The following JARID2 variants were observed in gnomAD, a reference collection of about 807,000 sequenced individuals.
The protein encoded by JARID2 is protein Jumonji.
In JARID2, 21 loss-of-function variants were observed where a neutral mutation model predicts 125.6. The observed-to-expected ratio is 0.17, with a 90% confidence interval of 0.12 to 0.24. The LOEUF (loss-of-function observed/expected upper bound fraction) is 0.24, where lower values mean the gene tolerates loss of function less well. JARID2 is among the 10% of genes least tolerant of loss of function. The probability of loss-of-function intolerance (pLI) is 1.00; values close to 1 mark genes in which losing one functional copy is unlikely to be tolerated. For missense variants in JARID2, 1,303 were observed against 1,639.6 expected (o/e 0.79, Z 3.55); for synonymous variants, 736 against 661.6 (o/e 1.11, Z -1.73).
intron 2 of JARID2, among the ~76,000 whole-genome samples, chr6:15,399,519 G>A (rs1765344512): frequency 6.6e-6 from 1 of 151,938 alleles, no homozygotes; most frequent in African/African-American, 2.4e-5. Context: ...TTATGTACAT[G>A]TATATATATA....
chr6:15,327,579 G>T (rs1441886236), intron 1 of JARID2, among the ~76,000 whole-genome samples: 1 of 152,016 alleles, frequency 6.6e-6, no homozygotes, highest in Non-Finnish European at 1.5e-5. Flanking sequence ...GCATGTGCGT[G>T]CATCCCCGCA....
chr6:15,359,551 C>T (rs1201870148), intron 1 of JARID2, among the ~76,000 whole-genome samples: 2 of 152,064 alleles, frequency 1.3e-5, no homozygotes, highest in Non-Finnish European at 2.9e-5. Context: ...TTCACTCACT[C>T]GGCCCCTCAT....
At chr6:15,430,232 A>G (rs1393354684) in intron 3 of JARID2, among the ~76,000 whole-genome samples, 3 of 152,190 alleles carry the variant, frequency 2.0e-5, no homozygotes, top group Admixed American at 6.5e-5. Context: ...TACAAGATGT[A>G]CTTTTGCTTC....
intron 1 of JARID2, among the ~76,000 whole-genome samples, chr6:15,307,894 C>T (rs144805584): frequency 6.6e-6 from 1 of 152,324 alleles, no homozygotes; most frequent in Non-Finnish European, 1.5e-5. Flanking sequence ...AATACAGACT[C>T]CCAGCCAGCG....
Position 15,507,108 on chromosome 6 carries a change from C to T in JARID2, c.2542-28C>T, listed in dbSNP as rs781205903. ...CTGTGGCTGCAGCACCTTAGGGGTG[C>T]TGACCAGCCCTTTCCTGTTCCCTGC... On this transcript the variant is annotated intron_variant, in intron 9 of 17. Coordinates refer to ENST00000341776, the MANE Select transcript of JARID2 (RefSeq NM_004973.4). 51 of 1,457,142 alleles carry T rather than the reference C, an allele frequency of 3.5e-5. No individual in the cohort carries two copies. The East Asian group carries it at 4.3e-4, about 12-fold the overall frequency. The allele number at this position is 1,457,142 out of a possible 1,614,324, so 90.3% of individuals were successfully genotyped here.
rs1474513395 is a variant in JARID2 at position 15,496,259 on chromosome 6, G to C, written c.1034G>C (p.Gly345Ala). 1.2e-6 allele frequency: 2 copies of C among 1,614,156 alleles called. No homozygotes were observed. The highest frequency in any genetic ancestry group is 1.7e-6 in the Non-Finnish European group (2 of 1,180,048). The part of the protein sequence containing the change: ...TVKYTATVTK[G>A]AVTYTKAKRE... ...AAGTACACTGCCACGGTGACGAAGG[G>C]GGCTGTCACATACACCAAAGCCAAG... The change falls in exon 7 of 18, where the codon GGG becomes GCG. Residue 345 changes from glycine to alanine, a missense_variant. Gly to Ala is a moderately conservative substitution (Grantham distance 60). This residue lies in a region of JARID2 where 651 missense variants were observed against 581.6 expected (regional missense o/e 1.12). Coordinates refer to ENST00000341776, the MANE Select transcript of JARID2 (RefSeq NM_004973.4).
chr6:15,500,305 G>A (rs1386340971), intron 7 of JARID2, among the ~76,000 whole-genome samples: 2 of 152,208 alleles, frequency 1.3e-5, no homozygotes, highest in Non-Finnish European at 2.9e-5. Flanking sequence ...TCCTCACGCA[G>A]GTGTTGCTCT....
intron 1 of JARID2, among the ~76,000 whole-genome samples, chr6:15,278,514 A>T (rs1201054195): frequency 6.6e-6 from 1 of 152,040 alleles, no homozygotes; most frequent in Non-Finnish European, 1.5e-5. Context: ...TGAACCCGGG[A>T]GGCGGAGCTT....
chr6:15,430,551 C>T (rs1474112016), intron 3 of JARID2, among the ~76,000 whole-genome samples: 2 of 152,204 alleles, frequency 1.3e-5, no homozygotes, highest in East Asian at 3.9e-4. Flanking sequence ...TATAATAGGC[C>T]AGGTGCTTTA....
intron 1 of JARID2, among the ~76,000 whole-genome samples, chr6:15,300,682 GTT>G (rs1491560109): frequency 9.1e-6 from 1 of 110,226 alleles, no homozygotes; most frequent in Non-Finnish European, 2.0e-5. Flanking sequence ...GTGTCCTCAT[GTT>G]GTGTGTGTGT....
intron 1 of JARID2, among the ~76,000 whole-genome samples, chr6:15,358,535 G>C (rs1763683844): frequency 6.6e-6 from 1 of 152,182 alleles, no homozygotes; most frequent in South Asian, 2.1e-4. Context: ...AGCTTTGAAT[G>C]GATGATAGCA....
At chr6:15,483,085 T>C (rs1016386568) in intron 5 of JARID2, among the ~76,000 whole-genome samples, 3 of 152,228 alleles carry the variant, frequency 2.0e-5, no homozygotes, top group Admixed American at 1.3e-4. Context: ...GCTTGCTTTG[T>C]TCATTTTTGA....
At chr6:15,508,997 G>T in intron 12 of JARID2, 4 of 1,289,298 alleles carry the variant, frequency 3.1e-6, no homozygotes, top group Non-Finnish European at 4.0e-6. Context: ...CTCATCTATC[G>T]GTGGCTGTGG....
intron 2 of JARID2, among the ~76,000 whole-genome samples, chr6:15,388,088 A>AGGCT (rs1764856742): frequency 2.6e-5 from 4 of 152,288 alleles, no homozygotes; most frequent in African/African-American, 9.6e-5. Flanking sequence ...TGCTAGAGAA[A>AGGCT]GGCTTCATGT....
chr6:15,444,978 C>T (rs1455570309), intron 3 of JARID2, among the ~76,000 whole-genome samples: 7 of 152,038 alleles, frequency 4.6e-5, no homozygotes, highest in Non-Finnish European at 1.0e-4. Context: ...ATTTGTGTGT[C>T]ACGCCATGCC....
chr6:15,392,334 A>G (rs1233023215), intron 2 of JARID2, among the ~76,000 whole-genome samples: 1 of 151,938 alleles, frequency 6.6e-6, no homozygotes, highest in Non-Finnish European at 1.5e-5. Context: ...CCCCTCCCCT[A>G]CAAGCTAGAC....
At position 15,339,186 on chromosome 6, in the gene JARID2, G is replaced by A. The variant is rs771615239; in HGVS notation, c.46-34931G>A. Among the ~76,000 whole-genome samples, 13 of 152,206 alleles carry A rather than the reference G, an allele frequency of 8.5e-5. No individual in the cohort carries two copies. The Middle Eastern group carries it at 0.014, about 160-fold the overall frequency. On this transcript the variant is annotated intron_variant, in intron 1 of 17. Coordinates refer to ENST00000341776, the MANE Select transcript of JARID2 (RefSeq NM_004973.4). ...GGAAGGCTTACCTAGAACTAGGACCGGGCCTCTCAATTATACTAAGTTGTC... is the reference window on the plus strand; with the variant it reads ...GGAAGGCTTACCTAGAACTAGGACCAGGCCTCTCAATTATACTAAGTTGTC...
At chr6:15,296,117 A>G (rs1371929045) in intron 1 of JARID2, among the ~76,000 whole-genome samples, 1 of 152,230 alleles carries the variant, frequency 6.6e-6, no homozygotes, top group Non-Finnish European at 1.5e-5. Flanking sequence ...TTCTCAACCC[A>G]GAAAAGATGT....
chr6:15,332,582 G>A (rs1003627336), intron 1 of JARID2, among the ~76,000 whole-genome samples: 1 of 152,172 alleles, frequency 6.6e-6, no homozygotes, highest in East Asian at 1.9e-4. Context: ...CAGGAGAAGA[G>A]ACCACAGTGT....
Sources: allele counts gnomAD v4.1 joint callset (sites outside exome capture counted in the v4.1 genomes callset), GRCh38; gene constraint gnomAD v4.1.1; regional missense constraint gnomAD v4.1.1; transcripts MANE v1.5; gene names NCBI Gene and HGNC (gene_info 2026-07-23, HGNC 2026-07-21).